Variants in CCDC40 observed in about 807,000 individuals in gnomAD.
The protein encoded by CCDC40 is coiled-coil domain-containing protein 40.
In CCDC40, 104 loss-of-function variants were observed where a neutral mutation model predicts 124.5. The observed-to-expected ratio is 0.84, with a 90% CI of 0.71 to 0.98. The LOEUF is 0.98. CCDC40 is among the 50% of genes least tolerant of loss of function. The pLI is 0.00. For synonymous variants in CCDC40, 580 were observed against 602.9 expected (o/e 0.96, Z 0.56); for missense variants, 1,463 against 1,503.9 (o/e 0.97, Z 0.45).
At chr17:80,042,864 T>G (rs1005742794) in intron 3 of CCDC40, among the ~76,000 whole-genome samples, 10 of 70 alleles carry the variant, frequency 0.14, no homozygotes, top group African/African-American at 0.42. Flanking sequence ...GTTGGGTTGT[T>G]TTTTTTTTTT....
At chr17:80,094,814 G>A (rs986364038) in intron 17 of CCDC40, among the ~76,000 whole-genome samples, 24 of 152,030 alleles carry the variant, frequency 1.6e-4, no homozygotes, top group African/African-American at 1.7e-4. Context: ...GTGCACCCCC[G>A]CAGCCAATCC....
In CCDC40 at chr17:80,095,397, C is replaced by G. The variant is rs199575834; in HGVS notation, c.2967C>G (p.Thr989=). 1.9e-6 allele frequency: 3 copies of G among 1,614,152 alleles called. No individual in the cohort carries two copies. The highest frequency in any genetic ancestry group is 2.5e-6 in the Non-Finnish European group (3 of 1,180,046). ...TGGACAGGAAGGCGCTCACCCGCAC[C>G]GACTTCCACCACAAGCAGCTTGAGC... ...RKMDRKALTR[T]DFHHKQLELR... The change falls in exon 18 of 20, where the codon ACC becomes ACG. Residue 989 remains threonine, a synonymous_variant. Coordinates refer to ENST00000397545, the MANE Select transcript of CCDC40 (RefSeq NM_017950.4).
rs372186987 is a variant in CCDC40 at position 80,099,504 on chromosome 17, A to C, written c.3181-23A>C. The C allele has an allele frequency of 6.9e-6, 11 of 1,602,236 alleles. No homozygotes were observed. In the African/African-American group the frequency reaches 9.3e-5, roughly 14 times the overall value. ...TTTCTTCTGGTTTGCATAGCCCTAT[A>C]TGGAGTCTCTTTTCCTACCCAGAAC... On this transcript the variant is annotated intron_variant, in intron 19 of 19. Coordinates refer to ENST00000397545, the MANE Select transcript of CCDC40 (RefSeq NM_017950.4).
chr17:80,085,987 T>C lies in CCDC40; in HGVS notation c.2236-16T>C, dbSNP rs1192834457. 6.2e-7 allele frequency: 1 copy of C among 1,613,124 alleles called. No homozygotes were observed. The highest frequency in any genetic ancestry group is 1.1e-5 in the South Asian group (1 of 91,054). ...GCCCAGCCCTAATTTTGCTTTTTGATGAATATCCGGTCTAGGGGGAAGAAG... is the reference window on the plus strand; with the variant it reads ...GCCCAGCCCTAATTTTGCTTTTTGACGAATATCCGGTCTAGGGGGAAGAAG... On this transcript the variant is annotated splice_polypyrimidine_tract_variant and intron_variant, in intron 13 of 19. Transcript: ENST00000397545.
At chr17:80,047,042 C>T (rs895653718) in intron 3 of CCDC40, among the ~76,000 whole-genome samples, 4 of 152,138 alleles carry the variant, frequency 2.6e-5, no homozygotes, top group African/African-American at 4.8e-5. Context: ...GACGGGGTTT[C>T]GCCATGTTGG....
intron 9 of CCDC40, among the ~76,000 whole-genome samples, chr17:80,062,414 A>G (rs1442841910): frequency 1.3e-5 from 2 of 151,426 alleles, no homozygotes; most frequent in East Asian, 1.9e-4. Flanking sequence ...TTAACTCGTC[A>G]TTTAGCATTA....
intron 7 of CCDC40, among the ~76,000 whole-genome samples, chr17:80,052,074 C>A (rs558712574): frequency 6.6e-6 from 1 of 152,352 alleles, no homozygotes; most frequent in South Asian, 2.1e-4. Flanking sequence ...CTGCACAGTC[C>A]CTTAGGTGAG....
chr17:80,091,358 GAA>G (rs1567814782), intron 17 of CCDC40, among the ~76,000 whole-genome samples: 2 of 150,522 alleles, frequency 1.3e-5, no homozygotes. Flanking sequence ...GAGAGAGAGA[GAA>G]AGAAAGAGAG....
At chr17:80,075,201 AGGC>A (rs1568700126) in intron 10 of CCDC40, among the ~76,000 whole-genome samples, 11 of 147,302 alleles carry the variant, frequency 7.5e-5, no homozygotes, top group African/African-American at 2.4e-4. Context: ...CTGGGATTAC[AGGC>A]ATGAGCCACC....
rs387907093 is a variant in CCDC40 at position 80,058,885 on chromosome 17, C to A, written c.1345C>A (p.Arg449=). Reference sequence around the variant, plus strand: ...CCTGTATGTGGACCAGCTCACCACTCGAGCCCAGCAACTGGAAGAAGACAT... The same window carrying A: ...CCTGTATGTGGACCAGCTCACCACTAGAGCCCAGCAACTGGAAGAAGACAT... ...QDLYVDQLTT[R]AQQLEEDIAL... The change falls in exon 9 of 20, where the codon CGA becomes AGA. Residue 449 remains arginine (R), a synonymous_variant. Coordinates refer to ENST00000397545, the MANE Select transcript of CCDC40 (RefSeq NM_017950.4). This position sits in a 1 kb window ranked among gnomAD's most constrained non-coding sequence, Gnocchi z 4.2. The A allele has an allele frequency of 6.2e-7, 1 of 1,614,146 alleles. No homozygotes were observed. Among genetic ancestry groups the A allele is most frequent in the South Asian group, 1.1e-5 (1 of 91,080 alleles).
At chr17:80,094,749 G>A (rs561385575) in intron 17 of CCDC40, among the ~76,000 whole-genome samples, 105 of 152,170 alleles carry the variant, frequency 6.9e-4, no homozygotes, top group African/African-American at 2.4e-3. Context: ...ACACATCTAC[G>A]TAGCCACTGA....
At chr17:80,099,503 T>C (rs1454127064) in intron 19 of CCDC40, 24 bp from the exon 20 acceptor site, 17 of 1,602,076 alleles carry the variant, frequency 1.1e-5, no homozygotes, top group Non-Finnish European at 1.4e-5. Flanking sequence ...CATAGCCCTA[T>C]ATGGAGTCTC....
Position 80,087,919 on chromosome 17 carries a change from C to A in CCDC40, c.2620-92C>A, listed in dbSNP as rs569842522. 4 of 1,294,646 alleles carry A rather than the reference C, an allele frequency of 3.1e-6. No homozygotes were observed. Among genetic ancestry groups the A allele is most frequent in the Middle Eastern group, 4.4e-4 (2 of 4,532 alleles). 80.2% of individuals were successfully genotyped at this position (1,294,646 alleles called of 1,614,324 possible). On this transcript the variant is annotated intron_variant, in intron 15 of 19. Coordinates refer to ENST00000397545, the MANE Select transcript of CCDC40 (RefSeq NM_017950.4). This position sits in a 1 kb window ranked among gnomAD's most constrained non-coding sequence, Gnocchi z 4.5. ...GGGTATTAGAAATCCAGCCTGCAGCCCTGCCCTCGGTGCCGGGATAGAGGG... is the reference window on the plus strand; with the variant it reads ...GGGTATTAGAAATCCAGCCTGCAGCACTGCCCTCGGTGCCGGGATAGAGGG...
intron 1 of CCDC40, 62 bp downstream of exon 1, chr17:80,036,753 T>C: frequency 7.0e-7 from 1 of 1,430,548 alleles, no homozygotes; most frequent in Non-Finnish European, 9.2e-7. Context: ...CGTTCACCGC[T>C]CCAGGTGGCC....
At chr17:80,090,542 G>T (rs1456570435) in intron 17 of CCDC40, 1 of 1,516,354 alleles carries the variant, frequency 6.6e-7, no homozygotes, top group Non-Finnish European at 8.8e-7. Flanking sequence ...ATCACAGCAC[G>T]CTGGTATTTT....
intron 19 of CCDC40, chr17:80,099,025 G>T (rs959924091): frequency 2.7e-4 from 47 of 172,066 alleles, no homozygotes; most frequent in Non-Finnish European, 3.1e-4. Context: ...GCTCACACCT[G>T]TAATCCCAGC....
chr17:80,097,376 C>T lies in CCDC40; in HGVS notation c.3153C>T (p.Leu1051=), dbSNP rs1286599848. Residue 1051 remains leucine, a synonymous_variant, in exon 19 of 20, where the codon CTC becomes CTT. Coordinates refer to ENST00000397545, the MANE Select transcript of CCDC40 (RefSeq NM_017950.4). The part of the protein sequence containing the change: ...QADFDTLEAD[L]TRLGALKRQN... Reference sequence around the variant, plus strand: ...ACTTCGACACACTCGAGGCCGACCTCACCCGGCTTGGGGCCCTCAAACGAC... The same window carrying T: ...ACTTCGACACACTCGAGGCCGACCTTACCCGGCTTGGGGCCCTCAAACGAC... 3.7e-6 allele frequency: 6 copies of T among 1,614,002 alleles called. No homozygotes were observed. Among genetic ancestry groups the T allele is most frequent in the Non-Finnish European group, 4.2e-6 (5 of 1,180,028 alleles).
intron 19 of CCDC40, chr17:80,098,918 T>C (rs2038859482): frequency 6.7e-6 from 1 of 148,730 alleles, no homozygotes; most frequent in Admixed American, 6.8e-5. Flanking sequence ...GAGCCAGAGG[T>C]TGCAGTGTGC....
chr17:80,090,836 G>T lies in CCDC40; in HGVS notation c.2832+952G>T, dbSNP rs546495405. 209 of 1,168,568 alleles carry T rather than the reference G, an allele frequency of 1.8e-4. 2 individuals carry two copies. The African/African-American group carries it at 3.0e-3, about 17-fold the overall frequency. 72.4% of individuals were successfully genotyped at this position (1,168,568 alleles called of 1,614,324 possible). A position where few individuals can be genotyped will look rare whatever the true frequency, so the allele number is the denominator to read the frequency against. Reference sequence around the variant, plus strand: ...TGCCATGCTAAATAGAAATTCCTCTGCTGAGTTATTTTTCAGATCAAGTGC... The same window carrying T: ...TGCCATGCTAAATAGAAATTCCTCTTCTGAGTTATTTTTCAGATCAAGTGC... On this transcript the variant is annotated intron_variant, in intron 17 of 19. Coordinates refer to ENST00000397545, the MANE Select transcript of CCDC40 (RefSeq NM_017950.4).
Sources: gnomAD v4.1 joint callset for allele counts (sites outside exome capture counted in the v4.1 genomes callset) on GRCh38, gnomAD v4.1.1 for gene constraint, Gnocchi (gnomAD v3.1) non-coding constraint, MANE v1.5 for transcripts, NCBI Gene and HGNC (gene_info 2026-07-23, HGNC 2026-07-21) for gene names.